RUBCN: variants seen among roughly 807,000 people sequenced by gnomAD.
RUBCN encodes run domain Beclin-1-interacting and cysteine-rich domain-containing protein.
In RUBCN, 74 loss-of-function variants were observed where a neutral mutation model predicts 113.2. That is an observed-to-expected ratio of 0.65 (90% CI 0.54 to 0.79). The LOEUF (loss-of-function observed/expected upper bound fraction) is 0.79. RUBCN is among the 30% of genes least tolerant of loss of function. The probability of loss-of-function intolerance (pLI) is 0.00; values close to 1 mark genes in which losing one functional copy is unlikely to be tolerated. For synonymous variants in RUBCN, 480 were observed against 490.0 expected, an observed-to-expected ratio of 0.98 and a Z score of 0.27; for missense variants, 1,109 against 1,251.7, an observed-to-expected ratio of 0.89 and a Z score of 1.72.
At chr3:197,709,812 A>G (rs1221016418) in intron 2 of RUBCN, among the ~76,000 whole-genome samples, 1 of 152,230 alleles carries the variant, frequency 6.6e-6, no homozygotes, top group Non-Finnish European at 1.5e-5. Flanking sequence ...AGATGGAACA[A>G]TTTGAATGTA....
intron 1 of RUBCN, among the ~76,000 whole-genome samples, chr3:197,722,007 G>A (rs1460646139): frequency 1.3e-5 from 2 of 152,118 alleles, no homozygotes; most frequent in Non-Finnish European, 2.9e-5. Context: ...GGGAGTCCGA[G>A]GTGGGCGGAT....
Position 197,676,936 on chromosome 3 carries a change from G to A in RUBCN, c.2595C>T (p.Pro865=), listed in dbSNP as rs754602825. The A allele has an allele frequency of 6.2e-7, 1 of 1,614,216 alleles. No homozygotes were observed. The highest frequency in any genetic ancestry group is 1.1e-5 in the South Asian group (1 of 91,090). The change falls in exon 18 of 20, where the codon CCC becomes CCT. Residue 865 remains proline (P), a synonymous_variant. Coordinates refer to ENST00000296343, the MANE Select transcript of RUBCN (RefSeq NM_014687.4). The part of the protein sequence containing the change: ...LTATRKGELG[P]RLAELTRAGA... ...CTGCCCTGGTGAGCTCAGCAAGCCG[G>A]GGCCCCAGCTCCCCCTTCCTGGTCG...
In RUBCN at chr3:197,705,130, G is replaced by A. The variant is rs546982384; in HGVS notation, c.265C>T (p.Arg89Trp). The A allele has an allele frequency of 2.0e-5, 33 of 1,614,134 alleles. No homozygotes were observed. The highest frequency in any genetic ancestry group is 1.5e-4 in the South Asian group (14 of 91,052). ...TDYWQFVKDIRWLSPHSALHV... is the reference protein window; with the variant it reads ...TDYWQFVKDIWWLSPHSALHV... ...AGGGCTGAGTGGGGACTGAGCCACC[G>A]GATGTCTTTCACGAACTGCCAGTAA... is the stretch of plus-strand genomic sequence containing the variant. Residue 89 changes from arginine to tryptophan, a missense_variant, in exon 3 of 20, where the codon CGG becomes TGG. Transcript: ENST00000296343.
At chr3:197,737,892 C>G (rs1415900922), upstream of RUBCN, among the ~76,000 whole-genome samples, 1 of 152,068 alleles carries the variant, frequency 6.6e-6, no homozygotes, top group Non-Finnish European at 1.5e-5. Context: ...TCTGGTTTCT[C>G]TTTTTTCTTT....
At chr3:197,676,592 C>T in intron 18 of RUBCN, 1 of 1,276,960 alleles carries the variant, frequency 7.8e-7, no homozygotes, top group South Asian at 1.6e-5. Context: ...GGATGAGAGG[C>T]CTAAGCCACC....
In RUBCN at chr3:197,676,872, G is replaced by A; in HGVS notation, c.2646+13C>T. 6.2e-7 allele frequency: 1 copy of A among 1,614,182 alleles called. No homozygotes were observed. The highest frequency in any genetic ancestry group is 8.5e-7 in the Non-Finnish European group (1 of 1,180,038). ...CAAGGGCTCAGCTGCATGCTACAGT[G>A]AGACTTTCTCACCATGCATCTCTCC... On this transcript the variant is annotated intron_variant, in intron 18 of 19. Transcript: ENST00000296343.
chr3:197,738,065 A>AT (rs1258074700), upstream of RUBCN, among the ~76,000 whole-genome samples: 1 of 152,096 alleles, frequency 6.6e-6, no homozygotes, highest in Admixed American at 6.5e-5. Flanking sequence ...TGATATTTTG[A>AT]TTTTTTAAAA....
At chr3:197,711,870 T>C (rs1725006537) in intron 2 of RUBCN, among the ~76,000 whole-genome samples, 1 of 152,198 alleles carries the variant, frequency 6.6e-6, no homozygotes, top group African/African-American at 2.4e-5. Flanking sequence ...TTAATGTTTT[T>C]TTTAAAACAC....
rs1728197388 is a variant in RUBCN, at chr3:197,736,838, T to TGCGCTACACCCGGGCGGC, written c.-137_-120dup. ...CCTGCGGCCGGTGGGCTCCGGGTGA[T>TGCGCTACACCCGGGCGGC]GCGCTACACCCGGGCGGCGACAGCG... On this transcript the variant is annotated 5_prime_UTR_variant, in exon 1 of 20. Coordinates refer to ENST00000296343, the MANE Select transcript of RUBCN (RefSeq NM_014687.4). 2 of 1,407,382 alleles carry TGCGCTACACCCGGGCGGC rather than the reference T, an allele frequency of 1.4e-6. No homozygotes were observed. The highest frequency in any genetic ancestry group is 3.1e-5 in the African/African-American group (2 of 65,522). The allele number at this position is 1,407,382 out of a possible 1,614,324, so 87.2% of individuals were successfully genotyped here.
rs1317369627 is a variant in RUBCN at position 197,700,775 on chromosome 3, A to T, written c.1099T>A (p.Ser367Thr). ...SSSQKPDSAASSLGDQEGGGE... is the reference protein window; with the variant it reads ...SSSQKPDSAATSLGDQEGGGE... ...CCTCCTTCCTGGTCCCCTAAGGAAGAGGCAGCAGAATCTGGCTTCTGGGAG... is the reference window on the plus strand; with the variant it reads ...CCTCCTTCCTGGTCCCCTAAGGAAGTGGCAGCAGAATCTGGCTTCTGGGAG... Residue 367 changes from serine to threonine, a missense_variant, in exon 7 of 20, where the codon TCT (serine) becomes ACT (threonine). Physicochemically the swap from Ser to Thr is moderately conservative, Grantham distance 58. This residue lies in a region of RUBCN where 736 missense variants were observed against 779.6 expected (regional missense o/e 0.94). Coordinates refer to ENST00000296343, the MANE Select transcript of RUBCN (RefSeq NM_014687.4). 6.2e-7 allele frequency: 1 copy of T among 1,614,228 alleles called. No homozygotes were observed. Among genetic ancestry groups the T allele is most frequent in the South Asian group, 1.1e-5 (1 of 91,086 alleles).
intron 14 of RUBCN, 132 bp downstream of exon 14, chr3:197,682,338 C>G (rs75774903): frequency 0.076 from 81,650 of 1,069,818 alleles, 3,512 homozygotes; most frequent in African/African-American, 0.089. Context: ...CGACGCCCCC[C>G]CTCTGCCTTT....
At chr3:197,715,243 C>T (rs1040557847) in intron 2 of RUBCN, among the ~76,000 whole-genome samples, 1 of 146,688 alleles carries the variant, frequency 6.8e-6, no homozygotes, top group Non-Finnish European at 1.5e-5. Flanking sequence ...GAGCCGAGAT[C>T]GTGCCACTGC....
Position 197,674,901 on chromosome 3 carries a change from T to G in RUBCN, c.*117A>C, listed in dbSNP as rs1353182257. ...TCAGTAAAAAAAAAAAAAAAGATGA[T>G]GATAATTAAAAAAAAAAAAAAAAAA... is the stretch of plus-strand genomic sequence containing the variant. On this transcript the variant is annotated 3_prime_UTR_variant, in exon 20 of 20. Transcript: ENST00000296343. The G allele has an allele frequency of 7.0e-5, 52 of 740,224 alleles. No individual in the cohort carries two copies. The highest frequency in any genetic ancestry group is 1.8e-4 in the African/African-American group (8 of 43,326). 45.9% of individuals were successfully genotyped at this position (740,224 alleles called of 1,614,324 possible). A position where few individuals can be genotyped will look rare whatever the true frequency, so the allele number is the denominator to read the frequency against.
In RUBCN at chr3:197,675,524, G is replaced by GA; in HGVS notation, c.2647-10dup. ...CCTTTGGCTTGGCAGAGCTGGGGAG[G>GA]AAAAACACAGATGGCAAAATGAGGA... On this transcript the variant is annotated splice_polypyrimidine_tract_variant and intron_variant, in intron 18 of 19. Transcript: ENST00000296343. The surrounding 1 kb of genome is among the most constrained non-coding windows in gnomAD (Gnocchi z 4.4). 1 of 1,605,882 alleles carries GA rather than the reference G, an allele frequency of 6.2e-7. No individual in the cohort carries two copies. The highest frequency in any genetic ancestry group is 8.5e-7 in the Non-Finnish European group (1 of 1,172,780).
intron 11 of RUBCN, among the ~76,000 whole-genome samples, chr3:197,686,217 T>G (rs1721817541): frequency 6.6e-6 from 1 of 152,192 alleles, no homozygotes; most frequent in Non-Finnish European, 1.5e-5. Flanking sequence ...ATAAAACTAT[T>G]TAGCAGTTCT....
At chr3:197,720,532 C>T (rs556924075) in intron 1 of RUBCN, among the ~76,000 whole-genome samples, 5 of 152,126 alleles carry the variant, frequency 3.3e-5, no homozygotes, top group African/African-American at 7.2e-5. Flanking sequence ...CTCAGCCTCC[C>T]GTGTAGCTGG....
intron 1 of RUBCN, among the ~76,000 whole-genome samples, chr3:197,747,365 G>T (rs1223427554): frequency 6.6e-6 from 1 of 151,842 alleles, no homozygotes; most frequent in Admixed American, 6.6e-5. Flanking sequence ...TTGGTTTGGG[G>T]GAGAAGATCA....
At chr3:197,703,161 G>A (rs1023334840) in intron 5 of RUBCN, among the ~76,000 whole-genome samples, 3 of 151,982 alleles carry the variant, frequency 2.0e-5, no homozygotes, top group African/African-American at 7.2e-5. Context: ...CACTTTGGGA[G>A]GCCGAGGCGG....
chr3:197,739,289 G>A (rs968287603), upstream of RUBCN, among the ~76,000 whole-genome samples: 3 of 151,634 alleles, frequency 2.0e-5, no homozygotes, highest in Non-Finnish European at 4.4e-5. Flanking sequence ...TACTCAGGAG[G>A]CTGAGGCAGG....
Sources: gnomAD v4.1 joint callset for allele counts (sites outside exome capture counted in the v4.1 genomes callset) on GRCh38, gnomAD v4.1.1 for gene constraint, gnomAD v4.1.1 regional missense constraint, Gnocchi (gnomAD v3.1) non-coding constraint, MANE v1.5 for transcripts, NCBI Gene and HGNC (gene_info 2026-07-23, HGNC 2026-07-21) for gene names.